TENM3: variants seen among roughly 807,000 people sequenced by gnomAD.
TENM3 encodes teneurin-3.
A neutral mutation model predicts 255.1 loss-of-function variants in TENM3; 63 were observed. The ratio of observed to expected loss-of-function variants is 0.25; its 90% CI spans 0.20 to 0.30. The LOEUF (loss-of-function observed/expected upper bound fraction) is 0.30. Among genes scored for constraint, TENM3 ranks in the 10% least tolerant of loss-of-function variants. TENM3 has a pLI of 1.00. For synonymous variants in TENM3, 1,306 were observed against 1,322.3 expected, an observed-to-expected ratio of 0.99 and a Z score of 0.27; for missense variants, 2,929 against 3,461.1, an observed-to-expected ratio of 0.85 and a Z score of 3.86.
intron 3 of TENM3, among the ~76,000 whole-genome samples, chr4:182,426,594 G>A (rs1427669157): frequency 6.6e-6 from 1 of 152,028 alleles, no homozygotes; most frequent in Non-Finnish European, 1.5e-5. Context: ...GACTAATCTA[G>A]TCATTAATAT....
the TENM3 span, among the ~76,000 whole-genome samples, chr4:181,912,054 G>A: frequency 6.6e-6 from 1 of 152,190 alleles, no homozygotes; most frequent in African/African-American, 2.4e-5. Context: ...TCTCCAAAAT[G>A]AAGAAACCTA....
chr4:182,331,505 C>A (rs192568387), intron 2 of TENM3, among the ~76,000 whole-genome samples: 5 of 150,110 alleles, frequency 3.3e-5, no homozygotes, highest in African/African-American at 1.2e-4. Flanking sequence ...AAGATCAATG[C>A]CACTGCACTC....
chr4:181,941,745 G>C, the TENM3 span, among the ~76,000 whole-genome samples: 4 of 152,258 alleles, frequency 2.6e-5, no homozygotes, highest in South Asian at 2.1e-4. Context: ...CGAGGGTGAG[G>C]AATATCCCTT....
intron 3 of TENM3, among the ~76,000 whole-genome samples, chr4:182,584,909 AG>A (rs1228274830): frequency 1.3e-5 from 2 of 152,012 alleles, no homozygotes; most frequent in African/African-American, 4.8e-5. Flanking sequence ...CCCAAAGTGC[AG>A]GGATTACAGG....
At chr4:182,297,378 A>G (rs1761562368) in intron 1 of TENM3, among the ~76,000 whole-genome samples, 1 of 152,206 alleles carries the variant, frequency 6.6e-6, no homozygotes, top group Admixed American at 6.5e-5. Context: ...GATAATATGG[A>G]TAAGTTCTTT....
intron 1 of TENM3, among the ~76,000 whole-genome samples, chr4:182,226,212 T>C (rs543814036): frequency 1.3e-5 from 2 of 151,982 alleles, no homozygotes; most frequent in African/African-American, 2.4e-5. Flanking sequence ...ATTGGAGAAG[T>C]AGAGAAAGTG....
chr4:182,521,074 A>G (rs1295330677), intron 3 of TENM3, among the ~76,000 whole-genome samples: 1 of 152,234 alleles, frequency 6.6e-6, no homozygotes, highest in Non-Finnish European at 1.5e-5. Flanking sequence ...TGCATCAGAA[A>G]GGTAATGACA....
At chr4:182,251,013 GACA>G (rs947327434) in intron 1 of TENM3, among the ~76,000 whole-genome samples, 2 of 152,202 alleles carry the variant, frequency 1.3e-5, no homozygotes, top group African/African-American at 4.8e-5. Flanking sequence ...TTTGCCCAGA[GACA>G]AGAGCCTTTC....
At chr4:182,175,671 T>C (rs1467877746) in intron 1 of TENM3, among the ~76,000 whole-genome samples, 1 of 152,172 alleles carries the variant, frequency 6.6e-6, no homozygotes, top group African/African-American at 2.4e-5. Context: ...GATGTGTCTA[T>C]TGAAGTTGAT....
At chr4:182,171,805 G>GTTTAAATAGTTTAAATTGAATTTA (rs1752127717) in intron 1 of TENM3, among the ~76,000 whole-genome samples, 1 of 152,074 alleles carries the variant, frequency 6.6e-6, no homozygotes, top group Non-Finnish European at 1.5e-5. Flanking sequence ...GATATCACAA[G>GTTTAAATAGTTTAAATTGAATTTA]ACTATTAAAT....
intron 1 of TENM3, among the ~76,000 whole-genome samples, chr4:182,175,302 TAA>T (rs200201122): frequency 3.8e-4 from 46 of 120,568 alleles, no homozygotes; most frequent in South Asian, 3.5e-3. Flanking sequence ...TCTGCTTCAT[TAA>T]AAAAAAAAAA....
the TENM3 span, among the ~76,000 whole-genome samples, chr4:182,042,619 C>T: frequency 3.9e-5 from 6 of 152,042 alleles, no homozygotes; most frequent in Non-Finnish European, 7.4e-5. Flanking sequence ...AAATAAATTA[C>T]AAAATAATTA....
chr4:181,656,905 T>G, the TENM3 span, among the ~76,000 whole-genome samples: 2 of 152,224 alleles, frequency 1.3e-5, no homozygotes, highest in African/African-American at 4.8e-5. Flanking sequence ...AGCTCTTTCC[T>G]GGCATCACCT....
intron 3 of TENM3, among the ~76,000 whole-genome samples, chr4:182,515,571 CAA>C (rs1470910390): frequency 6.6e-6 from 1 of 152,110 alleles, no homozygotes; most frequent in Admixed American, 6.5e-5. Flanking sequence ...CATATGTACA[CAA>C]TATGTATTTT....
intron 1 of TENM3, among the ~76,000 whole-genome samples, chr4:182,155,796 GA>G (rs1750665060): frequency 2.0e-5 from 3 of 152,018 alleles, no homozygotes; most frequent in African/African-American, 4.8e-5. Context: ...ATCATTGTCT[GA>G]TCGAGAAACA....
chr4:181,945,898 C>T, the TENM3 span, among the ~76,000 whole-genome samples: 1 of 151,990 alleles, frequency 6.6e-6, no homozygotes, highest in Non-Finnish European at 1.5e-5. Flanking sequence ...CACACACACC[C>T]ACACAGTCTG....
At chr4:182,000,287 G>A in the TENM3 span, among the ~76,000 whole-genome samples, 35 of 152,018 alleles carry the variant, frequency 2.3e-4, no homozygotes, top group African/African-American at 8.5e-4. Flanking sequence ...TGAAATAGCA[G>A]TATTGCTGAA....
At chr4:182,052,016 G>A in the TENM3 span, among the ~76,000 whole-genome samples, 2 of 152,056 alleles carry the variant, frequency 1.3e-5, no homozygotes, top group Non-Finnish European at 2.9e-5. Flanking sequence ...TCACCGCCTG[G>A]GGAGGGGGTA....
the TENM3 span, among the ~76,000 whole-genome samples, chr4:182,009,286 G>A: frequency 6.6e-6 from 1 of 152,076 alleles, no homozygotes; most frequent in Admixed American, 6.5e-5. Flanking sequence ...TTTCGCTGGA[G>A]GGAAACCCAC....
Sources: allele counts gnomAD v4.1 joint callset (sites outside exome capture counted in the v4.1 genomes callset), GRCh38; gene constraint gnomAD v4.1.1; transcripts MANE v1.5; gene names NCBI Gene and HGNC (gene_info 2026-07-23, HGNC 2026-07-21).